The following EPB41L4A variants were observed in gnomAD, a reference collection of about 807,000 sequenced individuals.
EPB41L4A encodes the protein band 4.1-like protein 4A.
In EPB41L4A, 100 loss-of-function variants were observed where a neutral mutation model predicts 108.6. The ratio of observed to expected loss-of-function variants is 0.92; its 90% CI spans 0.78 to 1.09. The LOEUF is 1.09. Ranked by LOEUF, EPB41L4A falls within the 50% of genes least tolerant of loss-of-function variation. The probability of loss-of-function intolerance (pLI) is 0.00; values close to 1 mark genes in which losing one functional copy is unlikely to be tolerated. For missense variants in EPB41L4A, 1,030 were observed against 842.7 expected (o/e 1.22, Z -2.75); for synonymous variants, 319 against 289.0 (o/e 1.10, Z -1.05).
At chr5:112,264,006 T>C (rs1228122295) in intron 6 of EPB41L4A, 1 of 151,896 alleles carries the variant, frequency 6.6e-6, no homozygotes, top group Non-Finnish European at 1.5e-5. Context: ...AGAGATGGGA[T>C]TTCACCATTT....
chr5:112,393,653 C>A (rs78285275), intron 1 of EPB41L4A, among the ~76,000 whole-genome samples: 2 of 152,052 alleles, frequency 1.3e-5, no homozygotes, highest in African/African-American at 4.8e-5. Context: ...GTGAATTTTA[C>A]CAGAGGTACA....
intron 4 of EPB41L4A, chr5:112,275,116 C>G: frequency 6.2e-6 from 3 of 485,020 alleles, no homozygotes; most frequent in Non-Finnish European, 1.1e-5. Context: ...CATCATGTCA[C>G]CCAGGTTCAC....
At chr5:112,413,898 TTATCTC>T (rs1330206199) in intron 1 of EPB41L4A, among the ~76,000 whole-genome samples, 2 of 152,120 alleles carry the variant, frequency 1.3e-5, no homozygotes, top group African/African-American at 2.4e-5. Flanking sequence ...AGCTTGGACT[TTATCTC>T]TAGGAAGGAA....
intron 1 of EPB41L4A, among the ~76,000 whole-genome samples, chr5:112,316,111 T>A (rs1755412140): frequency 6.6e-6 from 1 of 152,186 alleles, no homozygotes; most frequent in African/African-American, 2.4e-5. Context: ...GTAGGACAAG[T>A]TTATTTGAAA....
chr5:112,310,723 T>C (rs1754994500), intron 1 of EPB41L4A, among the ~76,000 whole-genome samples: 1 of 152,196 alleles, frequency 6.6e-6, no homozygotes, highest in African/African-American at 2.4e-5. Flanking sequence ...ATTCCCGCTT[T>C]AGTCCTTTTT....
At chr5:112,205,533 T>C (rs1397229836) in intron 13 of EPB41L4A, 29 bp from the exon 14 acceptor site, 1 of 1,495,738 alleles carries the variant, frequency 6.7e-7, no homozygotes, top group African/African-American at 1.4e-5. Context: ...GTATGAGAAA[T>C]AAATTAAGTA....
chr5:112,330,440 A>C (rs1481385183), intron 1 of EPB41L4A, among the ~76,000 whole-genome samples: 1 of 152,200 alleles, frequency 6.6e-6, no homozygotes, highest in East Asian at 1.9e-4. Context: ...GGAAAAAATA[A>C]GGGTTGATGT....
chr5:112,408,718 AGGGCCAGTAAGCAC>A (rs1561652619), intron 1 of EPB41L4A, among the ~76,000 whole-genome samples: 60 of 62,968 alleles, frequency 9.5e-4, no homozygotes, highest in African/African-American at 1.5e-3. Flanking sequence ...AAAAAAAAAA[AGGGCCAGTAAGCAC>A]AAGAAAAGAT....
chr5:112,171,344 A>G (rs1760569843), intron 18 of EPB41L4A, among the ~76,000 whole-genome samples: 1 of 152,234 alleles, frequency 6.6e-6, no homozygotes, highest in Non-Finnish European at 1.5e-5. Context: ...AAGTAATGGT[A>G]AAAGAAGAAC....
chr5:112,188,355 T>G lies in EPB41L4A; in HGVS notation c.1503-4220A>C, dbSNP rs117591365. Among the ~76,000 whole-genome samples the G allele has an allele frequency of 2.8e-3, 431 of 152,324 alleles. 3 individuals carry two copies. In the East Asian group the frequency reaches 0.043, roughly 15 times the overall value. ...TCTACCATCAATAAATTATTCTTAT[T>G]TGCTCTTAAAGGTACTTCTGTCTCT... On this transcript the variant is annotated intron_variant, in intron 17 of 22. Transcript: ENST00000261486.
At position 112,333,703 on chromosome 5, in the gene EPB41L4A, T is replaced by G. The variant is rs185214713; in HGVS notation, c.100-26213A>C. Reference sequence around the variant, plus strand: ...ATACTGACAGCAGATCTAATGCCACTTTTCCAAGACACATGTCACCAGTTC... The same window carrying G: ...ATACTGACAGCAGATCTAATGCCACGTTTCCAAGACACATGTCACCAGTTC... On this transcript the variant is annotated intron_variant, in intron 1 of 22. Coordinates refer to ENST00000261486, the MANE Select transcript of EPB41L4A (RefSeq NM_022140.5). 8.0e-4 allele frequency among the ~76,000 whole-genome samples: 122 copies of G among 152,318 alleles called. 1 individual carries two copies. The highest frequency in any genetic ancestry group is 2.7e-3 in the African/African-American group (112 of 41,574).
At chr5:112,156,334 T>C (rs1452513903) in intron 12 of EPB41L4A, among the ~76,000 whole-genome samples, 1 of 152,064 alleles carries the variant, frequency 6.6e-6, no homozygotes. Flanking sequence ...TCAGAAGTGC[T>C]AAGATGCTGT....
At chr5:112,294,394 T>C (rs770207036) in intron 2 of EPB41L4A, among the ~76,000 whole-genome samples, 8 of 152,140 alleles carry the variant, frequency 5.3e-5, no homozygotes, top group Non-Finnish European at 1.2e-4. Context: ...AGATCACTTG[T>C]TTTGCAGTGA....
chr5:112,219,979 A>C (rs993630007), intron 12 of EPB41L4A, among the ~76,000 whole-genome samples: 2 of 152,250 alleles, frequency 1.3e-5, no homozygotes, highest in African/African-American at 4.8e-5. Context: ...TACAGGCATC[A>C]GCCACTGTGC....
intron 1 of EPB41L4A, among the ~76,000 whole-genome samples, chr5:112,372,470 C>A (rs775271081): frequency 6.6e-6 from 1 of 152,106 alleles, no homozygotes; most frequent in African/African-American, 2.4e-5. Flanking sequence ...CAAACTGTTA[C>A]GGAAGGCTCT....
At chr5:112,401,335 G>A (rs1040168782) in intron 1 of EPB41L4A, among the ~76,000 whole-genome samples, 2 of 152,114 alleles carry the variant, frequency 1.3e-5, no homozygotes, top group Non-Finnish European at 2.9e-5. Context: ...CATCAAACAT[G>A]CATTTAACGT....
intron 13 of EPB41L4A, among the ~76,000 whole-genome samples, chr5:112,207,848 G>A (rs1762544744): frequency 6.6e-6 from 1 of 152,138 alleles, no homozygotes. Context: ...CAGCCATTGT[G>A]GAAAGCAGTT....
At chr5:112,399,609 A>T (rs1761604139) in intron 1 of EPB41L4A, among the ~76,000 whole-genome samples, 1 of 151,892 alleles carries the variant, frequency 6.6e-6, no homozygotes, top group African/African-American at 2.4e-5. Flanking sequence ...ACTTTCTCAG[A>T]CTCCAGATTC....
intron 1 of EPB41L4A, among the ~76,000 whole-genome samples, chr5:112,316,089 A>C (rs1427560031): frequency 6.6e-6 from 1 of 152,240 alleles, no homozygotes; most frequent in East Asian, 1.9e-4. Context: ...AATCGTAGAG[A>C]AAGACTCACT....
Sources: gnomAD v4.1 joint callset for allele counts (sites outside exome capture counted in the v4.1 genomes callset) on GRCh38, gnomAD v4.1.1 for gene constraint, MANE v1.5 for transcripts, NCBI Gene and HGNC (gene_info 2026-07-23, HGNC 2026-07-21) for gene names.